The following GPR158 variants were observed in gnomAD, a reference collection of about 807,000 sequenced individuals.
GPR158 encodes the protein metabotropic glycine receptor.
In GPR158, 30 loss-of-function variants were observed where a neutral mutation model predicts 78.2. The observed-to-expected ratio is 0.38, with a 90% CI of 0.29 to 0.52. The LOEUF (loss-of-function observed/expected upper bound fraction) is 0.52. GPR158 is among the 20% of genes least tolerant of loss of function. The pLI, the probability that GPR158 is intolerant of heterozygous loss-of-function variation, is 0.83. For synonymous variants in GPR158, 581 were observed against 591.1 expected, an observed-to-expected ratio of 0.98 and a Z score of 0.25; for missense variants, 1,463 against 1,523.5, an observed-to-expected ratio of 0.96 and a Z score of 0.66.
At chr10:25,407,689 A>C (rs977977363) in intron 3 of GPR158, among the ~76,000 whole-genome samples, 1 of 152,140 alleles carries the variant, frequency 6.6e-6, no homozygotes, top group South Asian at 2.1e-4. Flanking sequence ...TCTGTCTCAC[A>C]TGATAACCAA....
chr10:25,343,396 G>A (rs1036084206), intron 2 of GPR158, among the ~76,000 whole-genome samples: 19 of 151,934 alleles, frequency 1.3e-4, no homozygotes, highest in Non-Finnish European at 7.4e-5. Flanking sequence ...TCTTACTATT[G>A]TGTGTCCTTA....
intron 5 of GPR158, among the ~76,000 whole-genome samples, chr10:25,478,028 G>T (rs76134518): frequency 6.6e-6 from 1 of 152,296 alleles, no homozygotes; most frequent in Middle Eastern, 3.4e-3. Context: ...CAACCCATCA[G>T]AGAGAAGTCT....
intron 4 of GPR158, among the ~76,000 whole-genome samples, chr10:25,440,357 G>T (rs564726708): frequency 1.3e-5 from 2 of 151,922 alleles, no homozygotes; most frequent in African/African-American, 4.8e-5. Context: ...GATCCTTTAG[G>T]GTAGCCAGTA....
intron 5 of GPR158, among the ~76,000 whole-genome samples, chr10:25,467,202 A>C (rs1835437184): frequency 6.6e-6 from 1 of 151,992 alleles, no homozygotes; most frequent in Non-Finnish European, 1.5e-5. Flanking sequence ...AATTGGTTGA[A>C]TCTGTCTAAA....
intron 1 of GPR158, among the ~76,000 whole-genome samples, chr10:25,216,464 A>AT (rs1853215744): frequency 6.7e-6 from 1 of 149,278 alleles, no homozygotes. Context: ...TTGCTTGGGT[A>AT]TTTTTTGGGG....
rs545369705 is a variant in GPR158 at position 25,568,456 on chromosome 10, A to G, written c.1515-4193A>G. 7.2e-5 allele frequency among the ~76,000 whole-genome samples: 11 copies of G among 152,296 alleles called. 1 individual carries two copies. The South Asian group carries it at 2.3e-3, about 32-fold the overall frequency. On this transcript the variant is annotated intron_variant, in intron 6 of 10. Transcript: ENST00000376351. ...AGAGAAGTAGGAAGGAAGTAGGAAG[A>G]GAGAACTAGGAAGAAAACCAAGAGA...
intron 5 of GPR158, among the ~76,000 whole-genome samples, chr10:25,498,707 C>T (rs1039941316): frequency 3.9e-5 from 6 of 152,116 alleles, no homozygotes; most frequent in African/African-American, 1.4e-4. Context: ...TTACATATGA[C>T]TAATAATCCT....
intron 6 of GPR158, among the ~76,000 whole-genome samples, chr10:25,568,738 G>A (rs960244633): frequency 9.9e-5 from 15 of 152,098 alleles, no homozygotes; most frequent in Admixed American, 5.9e-4. Context: ...GAATTTATCT[G>A]CTATTAATGA....
At chr10:25,419,797 A>G (rs771266347) in intron 4 of GPR158, among the ~76,000 whole-genome samples, 17 of 152,104 alleles carry the variant, frequency 1.1e-4, no homozygotes, top group Admixed American at 2.6e-4. Context: ...TGAGCCATTT[A>G]TATATCTTCT....
rs1360644567 is a variant in GPR158, at chr10:25,580,911, TTA to T, written c.1753+8026_1753+8027del. On this transcript the variant is annotated intron_variant, in intron 7 of 10. Transcript: ENST00000376351. ...CAGCTAATTTTTTTATTTTTTTATT[TTA>T]TTTTATTTTATTTTATTTTTTTGAG... Among the ~76,000 whole-genome samples, 9 of 95,044 alleles carry T rather than the reference TTA, an allele frequency of 9.5e-5. No homozygotes were observed. The South Asian group carries it at 3.1e-3, about 33-fold the overall frequency. The allele number at this position is 95,044 out of a possible 152,430, so 62.4% of individuals were successfully genotyped here. A position where few individuals can be genotyped will look rare whatever the true frequency, so the allele number is the denominator to read the frequency against.
intron 4 of GPR158, among the ~76,000 whole-genome samples, chr10:25,457,928 CA>C (rs1200038753): frequency 6.6e-6 from 1 of 152,046 alleles, no homozygotes; most frequent in East Asian, 1.9e-4. Context: ...ATTTTGAAAA[CA>C]AAACAACAAC....
At chr10:25,518,371 CT>C (rs1836212368) in intron 5 of GPR158, among the ~76,000 whole-genome samples, 1 of 87,900 alleles carries the variant, frequency 1.1e-5, no homozygotes, top group Non-Finnish European at 2.2e-5. Flanking sequence ...TCTCTATTTC[CT>C]TCAGTTCTGC....
intron 5 of GPR158, among the ~76,000 whole-genome samples, chr10:25,522,459 G>C (rs1260762879): frequency 6.6e-6 from 1 of 152,134 alleles, no homozygotes; most frequent in African/African-American, 2.4e-5. Flanking sequence ...CCTGTTGATG[G>C]CAATGCCAAC....
At chr10:25,418,190 T>G (rs1391453900) in intron 4 of GPR158, among the ~76,000 whole-genome samples, 3 of 152,212 alleles carry the variant, frequency 2.0e-5, no homozygotes, top group African/African-American at 4.8e-5. Context: ...CGTATGTCTT[T>G]CAGTTGCATG....
At chr10:25,279,022 A>T (rs1000335949) in intron 2 of GPR158, among the ~76,000 whole-genome samples, 7 of 152,132 alleles carry the variant, frequency 4.6e-5, no homozygotes, top group African/African-American at 1.7e-4. Context: ...TTAATAATGC[A>T]TAATATGTGA....
intron 2 of GPR158, among the ~76,000 whole-genome samples, chr10:25,255,137 A>G (rs1853873918): frequency 6.6e-6 from 1 of 152,196 alleles, no homozygotes; most frequent in African/African-American, 2.4e-5. Context: ...TCTCTTTGCA[A>G]ATAGCTCTTT....
chr10:25,266,963 G>T (rs1854052773), intron 2 of GPR158, among the ~76,000 whole-genome samples: 1 of 152,098 alleles, frequency 6.6e-6, no homozygotes, highest in Admixed American at 6.6e-5. Context: ...GGATTAAATT[G>T]TAATTGGCAA....
At chr10:25,451,919 G>C (rs2130601881) in intron 4 of GPR158, among the ~76,000 whole-genome samples, 1 of 152,308 alleles carries the variant, frequency 6.6e-6, no homozygotes, top group African/African-American at 2.4e-5. Context: ...GGATGAACTA[G>C]CAATGCTGGA....
chr10:25,241,109 T>C (rs1853598345), intron 2 of GPR158, among the ~76,000 whole-genome samples: 1 of 149,904 alleles, frequency 6.7e-6, no homozygotes, highest in Non-Finnish European at 1.5e-5. Flanking sequence ...GACCAAATAT[T>C]GAATTTTTAC....
Sources: allele counts gnomAD v4.1 joint callset (sites outside exome capture counted in the v4.1 genomes callset), GRCh38; gene constraint gnomAD v4.1.1; transcripts MANE v1.5; gene names NCBI Gene and HGNC (gene_info 2026-07-23, HGNC 2026-07-21).